The following PCDH9 variants were observed in gnomAD, a reference collection of about 807,000 sequenced individuals.
PCDH9 encodes the protein protocadherin-9.
PCDH9 carries 24 observed loss-of-function variants against 70.6 expected under a neutral mutation model. The ratio of observed to expected loss-of-function variants is 0.34; its 90% CI spans 0.25 to 0.48. The LOEUF is 0.48. Among genes scored for constraint, PCDH9 ranks in the 20% least tolerant of loss-of-function variants. The pLI is 0.99. For missense variants in PCDH9, 1,281 were observed against 1,503.6 expected (o/e 0.85, Z 2.45); for synonymous variants, 562 against 558.5 (o/e 1.01, Z -0.09).
chr13:66,915,831 T>C (rs1247664257), intron 2 of PCDH9, among the ~76,000 whole-genome samples: 1 of 151,656 alleles, frequency 6.6e-6, no homozygotes, highest in Non-Finnish European at 1.5e-5. Context: ...GCCTTTCTTT[T>C]AGCCCTAGCT....
At chr13:66,784,261 T>C (rs1349158777) in intron 3 of PCDH9, among the ~76,000 whole-genome samples, 1 of 152,118 alleles carries the variant, frequency 6.6e-6, no homozygotes, top group African/African-American at 2.4e-5. Flanking sequence ...TTTGGGTCAA[T>C]AGGCTATTAG....
intron 3 of PCDH9, among the ~76,000 whole-genome samples, chr13:66,712,498 G>A (rs2078808417): frequency 6.6e-6 from 1 of 151,746 alleles, no homozygotes; most frequent in Non-Finnish European, 1.5e-5. Context: ...TCTTATAATA[G>A]GCATGAGAAA....
intron 2 of PCDH9, among the ~76,000 whole-genome samples, chr13:67,199,711 A>G (rs1431044647): frequency 1.3e-5 from 2 of 152,108 alleles, no homozygotes; most frequent in African/African-American, 4.8e-5. Context: ...TTCTTTTGTT[A>G]TAGGAAACAT....
intron 4 of PCDH9, among the ~76,000 whole-genome samples, chr13:66,348,598 C>A (rs1203456010): frequency 6.6e-6 from 1 of 151,646 alleles, no homozygotes; most frequent in Non-Finnish European, 1.5e-5. Flanking sequence ...ACATGTTGGT[C>A]AGGCTGGTCT....
At chr13:67,073,910 G>T (rs1355290743) in intron 2 of PCDH9, among the ~76,000 whole-genome samples, 2 of 148,714 alleles carry the variant, frequency 1.3e-5, no homozygotes, top group African/African-American at 4.9e-5. Flanking sequence ...TGCTTTAAGA[G>T]GTTTTAATTT....
chr13:67,217,206 T>C (rs2089627937), intron 2 of PCDH9: 1 of 152,052 alleles, frequency 6.6e-6, no homozygotes, highest in Non-Finnish European at 1.5e-5. Context: ...CTATAAAAGA[T>C]ACAGCTTCAT....
chr13:66,354,729 C>T (rs929005865), intron 4 of PCDH9, among the ~76,000 whole-genome samples: 1 of 151,816 alleles, frequency 6.6e-6, no homozygotes, highest in African/African-American at 2.4e-5. Context: ...TAAATATGCC[C>T]CTCCCTCTTT....
At chr13:66,964,278 T>C (rs1203160215) in intron 2 of PCDH9, among the ~76,000 whole-genome samples, 1 of 151,810 alleles carries the variant, frequency 6.6e-6, no homozygotes, top group Non-Finnish European at 1.5e-5. Flanking sequence ...TGCTTATATT[T>C]GTTACTTCCT....
At chr13:67,220,689 A>T (rs1395613519) in intron 2 of PCDH9, 1 of 152,086 alleles carries the variant, frequency 6.6e-6, no homozygotes, top group Non-Finnish European at 1.5e-5. Flanking sequence ...ATTAATGGCA[A>T]CAAAAACAAA....
chr13:66,617,062 G>A (rs1294021964), intron 4 of PCDH9, among the ~76,000 whole-genome samples: 2 of 152,154 alleles, frequency 1.3e-5, no homozygotes, highest in African/African-American at 4.8e-5. Flanking sequence ...TAAAGGCCAC[G>A]TTAATATCCA....
At chr13:66,774,396 G>A (rs1054964797) in intron 3 of PCDH9, among the ~76,000 whole-genome samples, 60 of 150,914 alleles carry the variant, frequency 4.0e-4, no homozygotes, top group African/African-American at 1.4e-3. Flanking sequence ...TTACCATCAT[G>A]CAGAAGAAAG....
chr13:66,739,197 A>G (rs1433507147), intron 3 of PCDH9, among the ~76,000 whole-genome samples: 2 of 138,580 alleles, frequency 1.4e-5, no homozygotes, highest in Non-Finnish European at 3.1e-5. Flanking sequence ...CAACATTCTT[A>G]AAGAAAAGAA....
At chr13:67,132,637 A>G (rs1186617599) in intron 2 of PCDH9, among the ~76,000 whole-genome samples, 2 of 152,104 alleles carry the variant, frequency 1.3e-5, no homozygotes, top group Non-Finnish European at 2.9e-5. Flanking sequence ...GACTGTAAGA[A>G]TGGGTCAAAA....
At chr13:66,558,652 G>A (rs1193877042) in intron 4 of PCDH9, among the ~76,000 whole-genome samples, 10 of 151,840 alleles carry the variant, frequency 6.6e-5, no homozygotes, top group Admixed American at 5.2e-4. Flanking sequence ...TTCCTCTGGA[G>A]CAACTGCCAA....
chr13:66,559,814 A>AT (rs1961918525), intron 4 of PCDH9, among the ~76,000 whole-genome samples: 1 of 64,724 alleles, frequency 1.5e-5, no homozygotes, highest in African/African-American at 5.1e-5. Context: ...AAAAAAAAAA[A>AT]AAAATATATA....
At chr13:66,598,812 C>T (rs1293716513) in intron 4 of PCDH9, among the ~76,000 whole-genome samples, 1 of 151,772 alleles carries the variant, frequency 6.6e-6, no homozygotes, top group Non-Finnish European at 1.5e-5. Context: ...AGAATCTCAT[C>T]AGGAACAGGA....
Position 67,226,060 on chromosome 13 carries a change from G to C in PCDH9, c.2381C>G (p.Thr794Ser). 10 of 1,614,008 alleles carry C rather than the reference G, an allele frequency of 6.2e-6. No individual in the cohort carries two copies. The highest frequency in any genetic ancestry group is 8.5e-6 in the Non-Finnish European group (10 of 1,179,954). Residue 794 changes from threonine to serine, a missense_variant, in exon 2 of 5, where the codon ACC (threonine) becomes AGC (serine). Thr to Ser is a moderately conservative substitution (Grantham distance 58). This residue lies in a region of PCDH9 where 798 missense variants were observed against 1,003.1 expected (regional missense o/e 0.80). Transcript: ENST00000377865. The surrounding 1 kb of genome is among the most constrained non-coding windows in gnomAD (Gnocchi z 5.0). Reference protein sequence around the residue: ...IYDLIRRTMETPLDRNIGDSS... With the variant: ...IYDLIRRTMESPLDRNIGDSS... ...ATCCCCTATGTTCCTGTCCAACGGG[G>C]TCTCCATAGTCCTGCGGATCAAGTC...
intron 4 of PCDH9, among the ~76,000 whole-genome samples, chr13:66,369,520 T>C (rs1956609423): frequency 6.6e-6 from 1 of 152,118 alleles, no homozygotes; most frequent in Non-Finnish European, 1.5e-5. Context: ...TCTGCATTCC[T>C]GCACTCTTGA....
intron 3 of PCDH9, among the ~76,000 whole-genome samples, chr13:66,657,604 T>C (rs1018361432): frequency 2.6e-5 from 4 of 152,234 alleles, no homozygotes; most frequent in Non-Finnish European, 5.9e-5. Context: ...AAATCCAGTA[T>C]TGAAGCGATT....
Sources: allele counts gnomAD v4.1 joint callset (sites outside exome capture counted in the v4.1 genomes callset), GRCh38; gene constraint gnomAD v4.1.1; regional missense constraint gnomAD v4.1.1; non-coding constraint Gnocchi (gnomAD v3.1); transcripts MANE v1.5; gene names NCBI Gene and HGNC (gene_info 2026-07-23, HGNC 2026-07-21).